Variants in SOX5 observed in about 807,000 individuals in gnomAD.
The protein encoded by SOX5 is SRY-box transcription factor 5.
A neutral mutation model predicts 92.0 loss-of-function variants in SOX5; 9 were observed. The observed-to-expected ratio is 0.10, with a 90% CI of 0.06 to 0.17. The LOEUF (loss-of-function observed/expected upper bound fraction) is 0.17. Ranked by LOEUF, SOX5 falls within the 10% of genes least tolerant of loss-of-function variation. The pLI is 1.00. For missense variants in SOX5, 642 were observed against 944.5 expected, an observed-to-expected ratio of 0.68 and a Z score of 4.20; for synonymous variants, 344 against 336.3, an observed-to-expected ratio of 1.02 and a Z score of -0.25.
At chr12:24,011,421 T>C (rs781478625) in intron 4 of SOX5, among the ~76,000 whole-genome samples, 4 of 152,334 alleles carry the variant, frequency 2.6e-5, no homozygotes, top group Non-Finnish European at 4.4e-5. Context: ...GATGAGCCCA[T>C]TGTGACTAAA....
chr12:24,341,714 C>A (rs952598777), intron 2 of SOX5, among the ~76,000 whole-genome samples: 1 of 152,162 alleles, frequency 6.6e-6, no homozygotes, highest in Non-Finnish European at 1.5e-5. Context: ...TGGCAGGATA[C>A]AGTAAATGGG....
intron 3 of SOX5, among the ~76,000 whole-genome samples, chr12:24,226,538 T>A (rs896809120): frequency 2.0e-5 from 3 of 152,268 alleles, no homozygotes; most frequent in African/African-American, 7.2e-5. Context: ...CGGCACGATC[T>A]CGGCTTACTG....
At chr12:24,371,689 T>C (rs1331030903) in intron 1 of SOX5, among the ~76,000 whole-genome samples, 2 of 152,198 alleles carry the variant, frequency 1.3e-5, no homozygotes, top group African/African-American at 4.8e-5. Flanking sequence ...CTAAGTTGTA[T>C]GTAAAGAGAT....
At chr12:23,888,639 T>A (rs2097096812) in intron 2 of SOX5, among the ~76,000 whole-genome samples, 1 of 152,162 alleles carries the variant, frequency 6.6e-6, no homozygotes, top group South Asian at 2.1e-4. Context: ...GGACCCCAAC[T>A]GATTGTTTTT....
At chr12:23,768,106 A>C (rs80253211) in intron 3 of SOX5, among the ~76,000 whole-genome samples, 2,883 of 152,164 alleles carry the variant, frequency 0.019, 95 homozygotes, top group African/African-American at 0.066. Context: ...AAAAATGCTT[A>C]TTTACAACAG....
intron 2 of SOX5, among the ~76,000 whole-genome samples, chr12:24,339,111 A>G (rs1952257189): frequency 6.6e-6 from 1 of 151,896 alleles, no homozygotes; most frequent in African/African-American, 2.4e-5. Context: ...CAGACATTAT[A>G]CAAATAATCC....
At chr12:23,635,714 A>T (rs1214469339) in intron 8 of SOX5, among the ~76,000 whole-genome samples, 1 of 152,182 alleles carries the variant, frequency 6.6e-6, no homozygotes, top group Non-Finnish European at 1.5e-5. Flanking sequence ...ATTCTGACTA[A>T]TGCATAGTGG....
intron 14 of SOX5, 115 bp from the exon 15 acceptor site, chr12:23,534,637 C>T: frequency 1.4e-6 from 1 of 730,908 alleles, no homozygotes; most frequent in Non-Finnish European, 2.2e-6. Flanking sequence ...CTAATTTTAT[C>T]TAATTGCCTA....
At position 24,003,718 on chromosome 12, in the gene SOX5, T is replaced by C. The variant is rs563392090; in HGVS notation, c.-1-107694A>G. On this transcript the variant is annotated intron_variant, in intron 4 of 4. Coordinates refer to the SOX5 transcript ENST00000446891. ...ACTCAGTATGTTAAGATGGAAATTATCCCTAGATATGCCTACATATTAAAC... is the reference window on the plus strand; with the variant it reads ...ACTCAGTATGTTAAGATGGAAATTACCCCTAGATATGCCTACATATTAAAC... 6.6e-5 allele frequency among the ~76,000 whole-genome samples: 10 copies of C among 151,016 alleles called. No homozygotes were observed. The East Asian group carries it at 1.9e-3, about 29-fold the overall frequency.
chr12:24,240,905 A>T lies in SOX5; in HGVS notation c.-76-27488T>A, dbSNP rs184923562. Among the ~76,000 whole-genome samples, 53 of 152,308 alleles carry T rather than the reference A, an allele frequency of 3.5e-4. No homozygotes were observed. In the East Asian group the frequency reaches 9.1e-3, roughly 26 times the overall value. The stretch of plus-strand genomic sequence containing the variant: ...ATTAGTGTACAGATTTTTCTTAATG[A>T]CATCATTTTAAAATAATGTGTAACT... On this transcript the variant is annotated intron_variant, in intron 3 of 4. Transcript: ENST00000446891.
Position 23,546,304 on chromosome 12 carries a change from A to C in SOX5, c.1597+12T>G. The C allele has an allele frequency of 6.9e-7, 1 of 1,459,688 alleles. No individual in the cohort carries two copies. The highest frequency in any genetic ancestry group is 1.2e-5 in the South Asian group (1 of 86,734). The allele number at this position is 1,459,688 out of a possible 1,614,324, so 90.4% of individuals were successfully genotyped here. ...TGCATTATTAGAATATGTATGAACAATTTTCACAAACCATCAGAATCTCCA... is the reference window on the plus strand; with the variant it reads ...TGCATTATTAGAATATGTATGAACACTTTTCACAAACCATCAGAATCTCCA... On this transcript the variant is annotated intron_variant, in intron 12 of 14. Transcript: ENST00000451604.
intron 6 of SOX5, among the ~76,000 whole-genome samples, chr12:23,723,110 T>C (rs1214244985): frequency 6.6e-6 from 1 of 152,080 alleles, no homozygotes; most frequent in Non-Finnish European, 1.5e-5. Context: ...CATGACAACG[T>C]ACCCTCTATC....
At chr12:24,385,859 G>A (rs1418438152) in intron 1 of SOX5, among the ~76,000 whole-genome samples, 2 of 146,568 alleles carry the variant, frequency 1.4e-5, no homozygotes, top group Non-Finnish European at 3.0e-5. Flanking sequence ...TTGAGCCCGG[G>A]AGGTAGAGGC....
chr12:24,073,666 G>A (rs1050418703), intron 4 of SOX5, among the ~76,000 whole-genome samples: 1 of 152,044 alleles, frequency 6.6e-6, no homozygotes, highest in Non-Finnish European at 1.5e-5. Flanking sequence ...GACCCTGAAG[G>A]ACCATTTATC....
intron 4 of SOX5, among the ~76,000 whole-genome samples, chr12:24,005,360 C>T (rs1230379117): frequency 6.6e-6 from 1 of 152,026 alleles, no homozygotes; most frequent in Admixed American, 6.6e-5. Flanking sequence ...GTAAAATAGT[C>T]TGATATTTTT....
In SOX5 at chr12:24,289,924, T is replaced by C. The variant is rs529746301; in HGVS notation, c.-173-12612A>G. 3.3e-5 allele frequency among the ~76,000 whole-genome samples: 5 copies of C among 152,306 alleles called. No individual in the cohort carries two copies. In the South Asian group the frequency reaches 1.0e-3, roughly 32 times the overall value. On this transcript the variant is annotated intron_variant, in intron 2 of 4. Transcript: ENST00000446891. The stretch of plus-strand genomic sequence containing the variant: ...GCCTGGGGTTCCCTAAGCTCAAGTT[T>C]TCTGCACCTGAAGTGTAAACATCAC...
intron 7 of SOX5, among the ~76,000 whole-genome samples, chr12:23,662,602 A>T (rs899175370): frequency 1.3e-5 from 2 of 152,240 alleles, no homozygotes; most frequent in Non-Finnish European, 2.9e-5. Flanking sequence ...TTCTTAAAGA[A>T]AAAACGATCT....
intron 1 of SOX5, among the ~76,000 whole-genome samples, chr12:23,938,778 C>T (rs1943088334): frequency 6.6e-6 from 1 of 150,832 alleles, no homozygotes; most frequent in Admixed American, 6.6e-5. Context: ...TGCATTGCTG[C>T]TATTTAAGTA....
intron 1 of SOX5, among the ~76,000 whole-genome samples, chr12:23,922,967 A>T (rs1166149130): frequency 6.7e-6 from 1 of 150,002 alleles, no homozygotes; most frequent in African/African-American, 2.5e-5. Context: ...TGTTTTTGAG[A>T]CGGAGTCTCA....
Sources: gnomAD v4.1 joint callset for allele counts (sites outside exome capture counted in the v4.1 genomes callset) on GRCh38, gnomAD v4.1.1 for gene constraint, MANE v1.5 for transcripts, NCBI Gene and HGNC (gene_info 2026-07-23, HGNC 2026-07-21) for gene names.